The following KDM7A variants were observed in gnomAD, a reference collection of about 807,000 sequenced individuals.
KDM7A encodes the protein lysine demethylase 7A, also known as lysine-specific demethylase 7A.
A neutral mutation model predicts 114.8 loss-of-function variants in KDM7A; 28 were observed. That is an observed-to-expected ratio of 0.24 (90% CI 0.18 to 0.33). The LOEUF (loss-of-function observed/expected upper bound fraction) is 0.33. Among genes scored for constraint, KDM7A ranks in the 10% least tolerant of loss-of-function variants. The pLI is 1.00. For missense variants in KDM7A, 942 were observed against 1,142.5 expected, an observed-to-expected ratio of 0.82 and a Z score of 2.53; for synonymous variants, 423 against 397.8, an observed-to-expected ratio of 1.06 and a Z score of -0.75.
chr7:140,092,105 G>C (rs1818030108), intron 18 of KDM7A, 28 bp from the exon 19 acceptor site: 7 of 1,610,592 alleles, frequency 4.3e-6, no homozygotes, highest in Non-Finnish European at 5.9e-6. Flanking sequence ...ACATGAGGCT[G>C]AATTTTTAGG....
At chr7:140,104,540 G>C (rs1415738003) in intron 11 of KDM7A, among the ~76,000 whole-genome samples, 1 of 152,150 alleles carries the variant, frequency 6.6e-6, no homozygotes, top group East Asian at 1.9e-4. Context: ...GCCATTCCCA[G>C]CACCATTTAT....
chr7:140,118,580 AT>A lies in KDM7A; in HGVS notation c.1246+532del, dbSNP rs34658145. On this transcript the variant is annotated intron_variant, in intron 9 of 19. Transcript: ENST00000397560. ...ACCACGATGCCCGGCTAATTTTTGT[AT>A]TTTTTTTTTTTTTTTAGTAGAGACA... Among the ~76,000 whole-genome samples the A allele has an allele frequency of 2.8e-3, 384 of 137,794 alleles. 1 individual carries two copies. The highest frequency in any genetic ancestry group is 3.7e-3 in the Middle Eastern group (1 of 272). 90.4% of individuals were successfully genotyped at this position (137,794 alleles called of 152,430 possible).
intron 2 of KDM7A, among the ~76,000 whole-genome samples, chr7:140,136,553 T>G (rs1392544196): frequency 3.9e-5 from 6 of 152,232 alleles, no homozygotes; most frequent in Non-Finnish European, 8.8e-5. Flanking sequence ...AAGTTATTTG[T>G]GGGCTGTTTT....
chr7:140,097,040 ATACTT>A lies in KDM7A; in HGVS notation c.2019_2023del (p.Lys673AsnfsTer5), dbSNP rs1818127409. ...ACTTTCAGACTCTTCAGTGGTAAAG[ATACTT>A]TTCTGAGATGATAATTACATGGAAA... On this transcript the variant is annotated frameshift_variant and splice_region_variant, in exon 16 of 20. Coordinates refer to ENST00000397560, the MANE Select transcript of KDM7A (RefSeq NM_030647.2). LOFTEE classifies it high-confidence loss of function. 6.2e-7 allele frequency: 1 copy of A among 1,610,134 alleles called. No homozygotes were observed.
chr7:140,153,810 C>T (rs1353483226), intron 1 of KDM7A, among the ~76,000 whole-genome samples: 1 of 152,192 alleles, frequency 6.6e-6, no homozygotes. Context: ...CATTTATGCT[C>T]AATTGGATTT....
intron 1 of KDM7A, among the ~76,000 whole-genome samples, chr7:140,171,581 A>ATTTATATATATT (rs1794641872): frequency 6.9e-6 from 1 of 144,108 alleles, no homozygotes. Flanking sequence ...ATATATATAT[A>ATTTATATATATT]TTTTTATATA....
At position 140,176,686 on chromosome 7, in the gene KDM7A, G is replaced by A; in HGVS notation, c.194+58C>T. 9.2e-7 allele frequency: 1 copy of A among 1,091,122 alleles called. No individual in the cohort carries two copies. The allele number at this position is 1,091,122 out of a possible 1,614,324, so 67.6% of individuals were successfully genotyped here. On this transcript the variant is annotated intron_variant, in intron 1 of 19. Transcript: ENST00000397560. This position sits in a 1 kb window ranked among gnomAD's most constrained non-coding sequence, Gnocchi z 4.4. ...AGGGAGGCGCGGGCGGCCGGCGGCG[G>A]CGGCGGTTGGTCGGTGGCCGGCGGT... is the stretch of plus-strand genomic sequence containing the variant.
intron 15 of KDM7A, 41 bp from the exon 16 acceptor site, chr7:140,097,088 T>C (rs779072282): frequency 1.3e-6 from 2 of 1,517,538 alleles, no homozygotes; most frequent in Admixed American, 3.6e-5. Flanking sequence ...ACATAAGAAA[T>C]TGACCAAGTC....
At chr7:140,124,369 T>C (rs760575256) in intron 7 of KDM7A, among the ~76,000 whole-genome samples, 25 of 152,268 alleles carry the variant, frequency 1.6e-4, no homozygotes, top group Non-Finnish European at 2.6e-4. Flanking sequence ...AGGGTGAATA[T>C]TGTGGTATGT....
At chr7:140,144,708 C>CAT (rs963633281) in intron 1 of KDM7A, among the ~76,000 whole-genome samples, 4 of 126,424 alleles carry the variant, frequency 3.2e-5, no homozygotes, top group African/African-American at 7.3e-5. Flanking sequence ...CTGTCCCCAC[C>CAT]ATACACACAC....
intron 7 of KDM7A, among the ~76,000 whole-genome samples, chr7:140,121,157 A>AT (rs1158410088): frequency 6.6e-6 from 1 of 152,174 alleles, no homozygotes; most frequent in Non-Finnish European, 1.5e-5. Flanking sequence ...ACTCACATTT[A>AT]ATTATGAAGG....
chr7:140,165,912 A>C (rs1385959373), intron 1 of KDM7A, among the ~76,000 whole-genome samples: 2 of 152,222 alleles, frequency 1.3e-5, no homozygotes, highest in East Asian at 3.8e-4. Context: ...AAAATTGTGA[A>C]GGAGGCAAAA....
chr7:140,159,421 G>A (rs1000982767), intron 1 of KDM7A, among the ~76,000 whole-genome samples: 2 of 152,086 alleles, frequency 1.3e-5, no homozygotes, highest in Non-Finnish European at 2.9e-5. Context: ...AAAAAAAATG[G>A]TGAGGTAGGG....
chr7:140,167,244 T>C (rs934814973), intron 1 of KDM7A, among the ~76,000 whole-genome samples: 6 of 152,028 alleles, frequency 3.9e-5, no homozygotes, highest in African/African-American at 1.4e-4. Flanking sequence ...GACAGGTTGA[T>C]ACTAAAGTTC....
At chr7:140,104,332 T>C (rs544910345) in intron 11 of KDM7A, among the ~76,000 whole-genome samples, 3 of 152,322 alleles carry the variant, frequency 2.0e-5, no homozygotes, top group African/African-American at 7.2e-5. Context: ...TTGTCAATTT[T>C]GGCTTTTCTT....
At chr7:140,160,617 G>A (rs1433738204) in intron 1 of KDM7A, among the ~76,000 whole-genome samples, 3 of 152,210 alleles carry the variant, frequency 2.0e-5, no homozygotes, top group African/African-American at 7.2e-5. Flanking sequence ...GGCTGAGGTG[G>A]TAACACTCCT....
rs551381061 is a variant in KDM7A, at chr7:140,114,932, C to T, written c.1247-1350G>A. ...CTGAGAAGTGAGGAGCCCCTCCGCC[C>T]GGAAGCCGCCCCTTCTGATAACTGA... On this transcript the variant is annotated intron_variant, in intron 9 of 19. Coordinates refer to ENST00000397560, the MANE Select transcript of KDM7A (RefSeq NM_030647.2). 3.2e-3 allele frequency among the ~76,000 whole-genome samples: 485 copies of T among 149,460 alleles called. 1 individual carries two copies. The highest frequency in any genetic ancestry group is 5.6e-3 in the Admixed American group (84 of 15,092).
chr7:140,107,173 C>A (rs562223695), intron 11 of KDM7A, among the ~76,000 whole-genome samples: 1 of 152,236 alleles, frequency 6.6e-6, no homozygotes, highest in East Asian at 1.9e-4. Flanking sequence ...TGTCTCTGCA[C>A]GTCAGATGGG....
At chr7:140,096,843 T>C (rs777786121) in intron 16 of KDM7A, 56 bp downstream of exon 16, 88 of 1,589,042 alleles carry the variant, frequency 5.5e-5, no homozygotes, top group Non-Finnish European at 7.3e-5. Context: ...CTAAAAAAAG[T>C]GTTCATAGTA....
Sources: allele counts gnomAD v4.1 joint callset (sites outside exome capture counted in the v4.1 genomes callset), GRCh38; gene constraint gnomAD v4.1.1; non-coding constraint Gnocchi (gnomAD v3.1); transcripts MANE v1.5; gene names NCBI Gene and HGNC (gene_info 2026-07-23, HGNC 2026-07-21).